PKNOX2: variants seen among roughly 807,000 people sequenced by gnomAD.
The protein encoded by PKNOX2 is PBX/knotted 1 homeobox 2.
A neutral mutation model predicts 53.1 loss-of-function variants in PKNOX2; 14 were observed. The observed-to-expected ratio is 0.26, with a 90% CI of 0.17 to 0.41. The LOEUF is 0.41. PKNOX2 is among the 10% of genes least tolerant of loss of function. PKNOX2 has a pLI of 1.00. For synonymous variants in PKNOX2, 257 were observed against 242.8 expected, an observed-to-expected ratio of 1.06 and a Z score of -0.54; for missense variants, 496 against 602.8, an observed-to-expected ratio of 0.82 and a Z score of 1.85.
intron 3 of PKNOX2, among the ~76,000 whole-genome samples, chr11:125,335,023 T>G (rs1419924613): frequency 2.0e-5 from 3 of 152,210 alleles, no homozygotes; most frequent in Admixed American, 2.0e-4. Context: ...CAATGTCTGG[T>G]GCATCAGAAA....
At chr11:125,177,198 G>A (rs979345401) in intron 1 of PKNOX2, among the ~76,000 whole-genome samples, 4 of 152,176 alleles carry the variant, frequency 2.6e-5, no homozygotes, top group Non-Finnish European at 1.5e-5. Flanking sequence ...GTCTTTTGAG[G>A]ACTTGGTGCA....
chr11:125,208,205 T>C (rs1939380089), intron 1 of PKNOX2, among the ~76,000 whole-genome samples: 1 of 151,908 alleles, frequency 6.6e-6, no homozygotes. Context: ...TTCCAGCAGA[T>C]AGAAGGGATA....
intron 2 of PKNOX2, among the ~76,000 whole-genome samples, chr11:125,278,130 G>A (rs775287299): frequency 7.9e-5 from 12 of 151,442 alleles, no homozygotes; most frequent in Non-Finnish European, 1.8e-4. Context: ...GAGGTGGGAG[G>A]ATCACTTGAG....
At chr11:125,313,802 A>G (rs1231890618) in intron 2 of PKNOX2, among the ~76,000 whole-genome samples, 3 of 152,246 alleles carry the variant, frequency 2.0e-5, no homozygotes, top group Non-Finnish European at 4.4e-5. Flanking sequence ...ACCAGGTTTG[A>G]GCCAAGTGCT....
chr11:125,269,201 C>G (rs901643396), intron 2 of PKNOX2, among the ~76,000 whole-genome samples: 1 of 152,010 alleles, frequency 6.6e-6, no homozygotes, highest in Non-Finnish European at 1.5e-5. Context: ...ATATTCCTTC[C>G]TCAAAAACCT....
In PKNOX2 at chr11:125,368,003, T is replaced by G. The variant is rs778869038; in HGVS notation, c.227+18T>G. On this transcript the variant is annotated intron_variant, in intron 5 of 12. Transcript: ENST00000298282. ...GTATACAGGTAGGAGACACTTCAGC[T>G]GTGTCTACAGCCCTCAACCAGCTTC... 6.2e-7 allele frequency: 1 copy of G among 1,609,872 alleles called. No homozygotes were observed. Among genetic ancestry groups the G allele is most frequent in the East Asian group, 2.3e-5 (1 of 44,404 alleles).
chr11:125,299,638 G>A (rs187780600), intron 2 of PKNOX2, among the ~76,000 whole-genome samples: 2 of 152,270 alleles, frequency 1.3e-5, no homozygotes, highest in East Asian at 3.9e-4. Flanking sequence ...CTGCCATGTT[G>A]GTCTCAAAGA....
intron 2 of PKNOX2, among the ~76,000 whole-genome samples, chr11:125,257,485 A>G (rs1209068161): frequency 6.6e-6 from 1 of 152,204 alleles, no homozygotes; most frequent in African/African-American, 2.4e-5. Context: ...TGTTTATTCC[A>G]GCAATGGTTA....
chr11:125,232,930 GTA>G (rs1372891938), intron 1 of PKNOX2, among the ~76,000 whole-genome samples: 1 of 150,962 alleles, frequency 6.6e-6, no homozygotes, highest in African/African-American at 2.4e-5. Context: ...GTGGGATTTG[GTA>G]TATATATTCC....
intron 5 of PKNOX2, among the ~76,000 whole-genome samples, chr11:125,372,433 T>A (rs1184840156): frequency 6.6e-6 from 1 of 152,244 alleles, no homozygotes; most frequent in Non-Finnish European, 1.5e-5. Context: ...CTGATACTTT[T>A]AGCTGCAATC....
At chr11:125,357,253 A>T (rs1301581114) in intron 4 of PKNOX2, among the ~76,000 whole-genome samples, 1 of 152,074 alleles carries the variant, frequency 6.6e-6, no homozygotes, top group South Asian at 2.1e-4. Flanking sequence ...TAAGCTGAAC[A>T]TATCCCTGAA....
At chr11:125,259,757 A>G (rs898376607) in intron 2 of PKNOX2, among the ~76,000 whole-genome samples, 1 of 152,102 alleles carries the variant, frequency 6.6e-6, no homozygotes, top group African/African-American at 2.4e-5. Flanking sequence ...GGAGTCTGCT[A>G]TGGCTTCACA....
intron 2 of PKNOX2, among the ~76,000 whole-genome samples, chr11:125,295,303 C>T (rs920348468): frequency 2.0e-5 from 3 of 152,158 alleles, no homozygotes; most frequent in Non-Finnish European, 2.9e-5. Flanking sequence ...GACAGCTGGA[C>T]GTCCAAAGAA....
chr11:125,188,980 G>A (rs543699573), intron 1 of PKNOX2, among the ~76,000 whole-genome samples: 75 of 152,112 alleles, frequency 4.9e-4, no homozygotes, highest in Non-Finnish European at 7.9e-4. Flanking sequence ...TCCCAGTGTG[G>A]ACAGGACACC....
chr11:125,351,201 G>A (rs1951289687), intron 3 of PKNOX2, 83 bp from the exon 4 acceptor site: 2 of 733,828 alleles, frequency 2.7e-6, no homozygotes, highest in Non-Finnish European at 5.0e-6. Flanking sequence ...GTGGCCCAGC[G>A]GGGGACACAG....
At chr11:125,390,793 A>G (rs1390283664) in intron 6 of PKNOX2, among the ~76,000 whole-genome samples, 1 of 152,252 alleles carries the variant, frequency 6.6e-6, no homozygotes, top group East Asian at 1.9e-4. Context: ...GGCCATCAGA[A>G]GGAGAGTGCC....
chr11:125,425,897 A>T (rs1956387644), intron 10 of PKNOX2, among the ~76,000 whole-genome samples: 1 of 108,210 alleles, frequency 9.2e-6, no homozygotes, highest in Non-Finnish European at 1.9e-5. Flanking sequence ...ACAGCCCCAC[A>T]GCGTGCGTCC....
At chr11:125,303,095 G>C (rs1471239028) in intron 2 of PKNOX2, among the ~76,000 whole-genome samples, 1 of 152,188 alleles carries the variant, frequency 6.6e-6, no homozygotes, top group Non-Finnish European at 1.5e-5. Context: ...CTGAGAGCCA[G>C]GTGGGAAAAT....
intron 4 of PKNOX2, among the ~76,000 whole-genome samples, chr11:125,361,700 A>G (rs1951936797): frequency 6.6e-6 from 1 of 152,146 alleles, no homozygotes; most frequent in Non-Finnish European, 1.5e-5. Flanking sequence ...TCCTAATGCT[A>G]TCCCACCCCA....
Sources: gnomAD v4.1 joint callset for allele counts (sites outside exome capture counted in the v4.1 genomes callset) on GRCh38, gnomAD v4.1.1 for gene constraint, MANE v1.5 for transcripts, NCBI Gene and HGNC (gene_info 2026-07-23, HGNC 2026-07-21) for gene names.